Variants in PTPRD observed in about 807,000 individuals in gnomAD.
The protein encoded by PTPRD is receptor-type tyrosine-protein phosphatase delta.
In PTPRD, 34 loss-of-function variants were observed where a neutral mutation model predicts 214.5. The observed-to-expected ratio is 0.16, with a 90% CI of 0.12 to 0.21. PTPRD has a LOEUF of 0.21. Ranked by LOEUF, PTPRD falls within the 10% of genes least tolerant of loss-of-function variation. The pLI is 1.00. For synonymous variants in PTPRD, 1,128 were observed against 845.7 expected (o/e 1.33, Z -5.79); for missense variants, 2,545 against 2,398.7 (o/e 1.06, Z -1.27).
intron 11 of PTPRD, among the ~76,000 whole-genome samples, chr9:8,807,084 C>T (rs1184283322): frequency 3.9e-5 from 6 of 152,098 alleles, no homozygotes; most frequent in Non-Finnish European, 8.8e-5. Context: ...TGCTTGTAAT[C>T]CTAGCAATTT....
intron 14 of PTPRD, among the ~76,000 whole-genome samples, chr9:8,590,265 C>A (rs923190643): frequency 4.6e-5 from 7 of 152,088 alleles, no homozygotes; most frequent in Non-Finnish European, 1.0e-4. Flanking sequence ...CTAAATATGA[C>A]ATAAGAGCTC....
At chr9:9,789,790 CTGTCTCAAAAAAAAA>C (rs771061015) in intron 5 of PTPRD, among the ~76,000 whole-genome samples, 2 of 71,798 alleles carry the variant, frequency 2.8e-5, no homozygotes, top group Non-Finnish European at 4.9e-5. Flanking sequence ...GAGCCAAACT[CTGTCTCAAAAAAAAA>C]AAAAAAAAAA....
chr9:8,596,441 C>T (rs1402406420), intron 14 of PTPRD, among the ~76,000 whole-genome samples: 2 of 151,916 alleles, frequency 1.3e-5, no homozygotes, highest in African/African-American at 4.8e-5. Context: ...ATGTAAATTA[C>T]ATTGAGTTCA....
intron 3 of PTPRD, among the ~76,000 whole-genome samples, chr9:10,187,456 A>T (rs294853): frequency 0.32 from 48,336 of 152,034 alleles, 9,637 homozygotes; most frequent in Non-Finnish European, 0.44. Flanking sequence ...TTTACTTTAC[A>T]GTTTGCTGGA....
At chr9:10,462,849 T>C (rs895053287) in intron 2 of PTPRD, among the ~76,000 whole-genome samples, 9 of 151,510 alleles carry the variant, frequency 5.9e-5, no homozygotes, top group Non-Finnish European at 1.0e-4. Flanking sequence ...AAAATTAATA[T>C]ACAAATTAGC....
intron 2 of PTPRD, among the ~76,000 whole-genome samples, chr9:10,494,807 T>G (rs1276699230): frequency 6.6e-6 from 1 of 151,532 alleles, no homozygotes; most frequent in Non-Finnish European, 1.5e-5. Flanking sequence ...TACTGTATAT[T>G]AAGATAGAAT....
chr9:10,205,367 CTTTA>C (rs2099466045), intron 3 of PTPRD, among the ~76,000 whole-genome samples: 1 of 148,062 alleles, frequency 6.8e-6, no homozygotes, highest in Admixed American at 6.7e-5. Flanking sequence ...TCTTCTTCTT[CTTTA>C]TTTTATTTTA....
At chr9:9,258,019 T>C (rs898818393) in intron 9 of PTPRD, among the ~76,000 whole-genome samples, 2 of 151,988 alleles carry the variant, frequency 1.3e-5, no homozygotes, top group Non-Finnish European at 2.9e-5. Context: ...ATTTGGCTTT[T>C]GGCTTTAGTG....
intron 11 of PTPRD, among the ~76,000 whole-genome samples, chr9:8,764,978 T>C (rs532757675): frequency 1.3e-5 from 2 of 152,124 alleles, no homozygotes; most frequent in Non-Finnish European, 1.5e-5. Flanking sequence ...TCCTGTTTAT[T>C]AGCCAGACAA....
At chr9:9,577,333 G>A (rs889902512) in intron 7 of PTPRD, among the ~76,000 whole-genome samples, 3 of 152,128 alleles carry the variant, frequency 2.0e-5, no homozygotes, top group Admixed American at 1.3e-4. Flanking sequence ...GGAGGCTGAG[G>A]CAAGCAGATT....
intron 39 of PTPRD, among the ~76,000 whole-genome samples, chr9:8,367,830 C>G (rs1006035620): frequency 1.3e-5 from 2 of 152,098 alleles, no homozygotes; most frequent in Non-Finnish European, 2.9e-5. Context: ...TGACTTCTTT[C>G]TATGTAACAG....
At chr9:9,202,767 C>T (rs1316825430) in intron 9 of PTPRD, among the ~76,000 whole-genome samples, 1 of 152,200 alleles carries the variant, frequency 6.6e-6, no homozygotes, top group Admixed American at 6.5e-5. Flanking sequence ...CTGAACACAA[C>T]TGTTCAGTTA....
At chr9:9,808,384 T>A (rs998489760) in intron 5 of PTPRD, among the ~76,000 whole-genome samples, 5 of 152,162 alleles carry the variant, frequency 3.3e-5, no homozygotes, top group Non-Finnish European at 7.4e-5. Flanking sequence ...AGGAAACTCC[T>A]TTCCATAGAA....
intron 10 of PTPRD, among the ~76,000 whole-genome samples, chr9:9,145,118 T>C (rs1259904838): frequency 6.6e-6 from 1 of 152,212 alleles, no homozygotes; most frequent in African/African-American, 2.4e-5. Flanking sequence ...AGTTGTGGCT[T>C]ATATACTGTT....
At chr9:8,559,338 C>T (rs537840442) in intron 14 of PTPRD, among the ~76,000 whole-genome samples, 2 of 152,272 alleles carry the variant, frequency 1.3e-5, no homozygotes, top group East Asian at 3.9e-4. Context: ...ACATTATATA[C>T]AGATATCGAA....
At chr9:8,658,324 A>G (rs1234346395) in intron 12 of PTPRD, among the ~76,000 whole-genome samples, 1 of 152,170 alleles carries the variant, frequency 6.6e-6, no homozygotes, top group Non-Finnish European at 1.5e-5. Context: ...TAAATGTTCA[A>G]TATTTGGTAA....
intron 10 of PTPRD, among the ~76,000 whole-genome samples, chr9:9,046,726 T>C (rs1407049477): frequency 6.6e-6 from 1 of 152,138 alleles, no homozygotes; most frequent in Non-Finnish European, 1.5e-5. Context: ...TTATTGTATT[T>C]GGGAAAGCAA....
intron 11 of PTPRD, among the ~76,000 whole-genome samples, chr9:8,901,895 C>T (rs2098671764): frequency 1.3e-5 from 2 of 152,152 alleles, no homozygotes; most frequent in Admixed American, 1.3e-4. Flanking sequence ...ATTCCAGACA[C>T]AGGCATAGGA....
chr9:8,519,043 G>A (rs2097842152), intron 20 of PTPRD, among the ~76,000 whole-genome samples: 1 of 152,044 alleles, frequency 6.6e-6, no homozygotes, highest in African/African-American at 2.4e-5. Context: ...CTATATTCTG[G>A]TAAGACACAA....
Sources: gnomAD v4.1 joint callset for allele counts (sites outside exome capture counted in the v4.1 genomes callset) on GRCh38, gnomAD v4.1.1 for gene constraint, MANE v1.5 for transcripts, NCBI Gene and HGNC (gene_info 2026-07-23, HGNC 2026-07-21) for gene names.